Variants in FAT3 observed in about 807,000 individuals in gnomAD.
FAT3 encodes FAT atypical cadherin 3.
FAT3 carries 95 observed loss-of-function variants against 310.2 expected under a neutral mutation model. The ratio of observed to expected loss-of-function variants is 0.31; its 90% confidence interval spans 0.26 to 0.36. FAT3 has a LOEUF of 0.36. Among genes scored for constraint, FAT3 ranks in the 10% least tolerant of loss-of-function variants. FAT3 has a pLI of 1.00. For missense variants in FAT3, 5,408 were observed against 5,715.6 expected (o/e 0.95, Z 1.74); for synonymous variants, 2,314 against 2,192.9 (o/e 1.06, Z -1.54).
rs753361666 is a variant in FAT3 at position 92,834,881 on chromosome 11, G to T, written c.9883G>T (p.Val3295Phe). ...KINPKTGGISVSEVLDYELCK... is the reference protein window; with the variant it reads ...KINPKTGGISFSEVLDYELCK... Reference sequence around the variant, plus strand: ...ATTTTTCTTCAAAGGGGGTATTTCTGTCTCTGAAGTCCTGGACTATGAATT... The same window carrying T: ...ATTTTTCTTCAAAGGGGGTATTTCTTTCTCTGAAGTCCTGGACTATGAATT... Residue 3295 changes from valine to phenylalanine, a missense_variant, in exon 15 of 28, where the codon GTC (valine) becomes TTC (phenylalanine). Transcript: ENST00000525166. The T allele has an allele frequency of 4.4e-6, 7 of 1,608,112 alleles. No homozygotes were observed. Among genetic ancestry groups the T allele is most frequent in the Non-Finnish European group, 5.9e-6 (7 of 1,176,794 alleles).
chr11:92,556,071 A>G (rs529896578), intron 3 of FAT3, among the ~76,000 whole-genome samples: 1 of 152,342 alleles, frequency 6.6e-6, no homozygotes, highest in South Asian at 2.1e-4. Context: ...CACCTGGGAC[A>G]TAATAAGTGC....
At chr11:92,557,870 T>G (rs1016093825) in intron 3 of FAT3, among the ~76,000 whole-genome samples, 4 of 152,240 alleles carry the variant, frequency 2.6e-5, no homozygotes, top group African/African-American at 9.6e-5. Flanking sequence ...GCCAATCCTC[T>G]ATTCCTGAGG....
chr11:92,649,113 G>A (rs376851820), intron 3 of FAT3, among the ~76,000 whole-genome samples: 2 of 152,190 alleles, frequency 1.3e-5, no homozygotes, highest in African/African-American at 2.4e-5. Context: ...GTCGGGGCAC[G>A]TGAAGAAACA....
At chr11:92,461,829 TC>T (rs1195516161) in intron 2 of FAT3, among the ~76,000 whole-genome samples, 2 of 152,174 alleles carry the variant, frequency 1.3e-5, no homozygotes, top group Non-Finnish European at 2.9e-5. Context: ...CTGAGAAACT[TC>T]CTCTCACCCT....
chr11:92,792,840 A>G lies in FAT3; in HGVS notation c.4685A>G (p.His1562Arg). 1 of 1,613,894 alleles carries G rather than the reference A, an allele frequency of 6.2e-7. No individual in the cohort carries two copies. The highest frequency in any genetic ancestry group is 8.5e-7 in the Non-Finnish European group (1 of 1,179,788). Residue 1562 changes from histidine (H) to arginine (R), a missense_variant, in exon 9 of 28, where the codon CAC becomes CGC. His to Arg is a conservative substitution (Grantham distance 29). This residue lies in a region of FAT3 where 4,588 missense variants were observed against 4,809.8 expected (regional missense o/e 0.95). Coordinates refer to ENST00000525166, the MANE Select transcript of FAT3 (RefSeq NM_001367949.2). Reference sequence around the variant, plus strand: ...GTGAATGTGGAGGATGCTAATGATCACAGTCCTTATTTTACCAACCCACTG... The same window carrying G: ...GTGAATGTGGAGGATGCTAATGATCGCAGTCCTTATTTTACCAACCCACTG... ...VIVNVEDAND[H>R]SPYFTNPLYE...
chr11:92,566,548 A>C (rs1322845288), intron 3 of FAT3, among the ~76,000 whole-genome samples: 1 of 152,054 alleles, frequency 6.6e-6, no homozygotes, highest in African/African-American at 2.4e-5. Context: ...TTTAAAGTTC[A>C]TATGGAACCA....
At chr11:92,364,980 C>T (rs1012060617) in intron 2 of FAT3, among the ~76,000 whole-genome samples, 6 of 152,154 alleles carry the variant, frequency 3.9e-5, no homozygotes, top group African/African-American at 1.4e-4. Context: ...AAATAAAAGG[C>T]CAAGCACAGC....
chr11:92,877,807 A>G (rs773834970), intron 22 of FAT3, among the ~76,000 whole-genome samples: 1 of 152,218 alleles, frequency 6.6e-6, no homozygotes, highest in African/African-American at 2.4e-5. Flanking sequence ...AGCAGAACCA[A>G]TAGGAGATAT....
At chr11:92,393,292 G>A (rs1165313012) in intron 2 of FAT3, among the ~76,000 whole-genome samples, 3 of 151,324 alleles carry the variant, frequency 2.0e-5, no homozygotes, top group Admixed American at 2.0e-4. Flanking sequence ...CTGGGGACTG[G>A]GGAGAGGTTC....
chr11:92,667,134 G>C (rs1462876234), intron 3 of FAT3, among the ~76,000 whole-genome samples: 1 of 152,016 alleles, frequency 6.6e-6, no homozygotes, highest in Non-Finnish European at 1.5e-5. Context: ...TGATGCCTAA[G>C]GTTCTACTTG....
intron 13 of FAT3, among the ~76,000 whole-genome samples, chr11:92,816,840 G>A (rs1947837646): frequency 6.6e-6 from 1 of 152,072 alleles, no homozygotes; most frequent in Admixed American, 6.6e-5. Context: ...GCCAGGTGTG[G>A]TGACGTGCGC....
intron 2 of FAT3, among the ~76,000 whole-genome samples, chr11:92,474,887 C>G (rs1591338727): frequency 6.6e-6 from 1 of 152,160 alleles, no homozygotes; most frequent in East Asian, 1.9e-4. Context: ...GGCTATCTTT[C>G]TAATCTCTTT....
At chr11:92,682,633 T>C (rs1943512923) in intron 3 of FAT3, among the ~76,000 whole-genome samples, 1 of 152,224 alleles carries the variant, frequency 6.6e-6, no homozygotes, top group South Asian at 2.1e-4. Context: ...ATCAACCATC[T>C]TAGTTTCCTT....
intron 2 of FAT3, among the ~76,000 whole-genome samples, chr11:92,505,568 C>G (rs2135288303): frequency 6.6e-6 from 1 of 152,250 alleles, no homozygotes; most frequent in Admixed American, 6.5e-5. Flanking sequence ...AAGACTGTGC[C>G]AACCAGTGGG....
At chr11:92,775,361 CTT>C (rs1449884725) in intron 7 of FAT3, among the ~76,000 whole-genome samples, 1 of 152,186 alleles carries the variant, frequency 6.6e-6, no homozygotes, top group East Asian at 1.9e-4. Context: ...TAATGCAACT[CTT>C]TTCTTTGAAT....
chr11:92,442,071 AATATATATTTTATATATAT>A (rs1239419681), intron 2 of FAT3, among the ~76,000 whole-genome samples: 6 of 131,750 alleles, frequency 4.6e-5, no homozygotes, highest in African/African-American at 2.0e-4. Flanking sequence ...AAACTTAAGA[AATATATATTTTATATATAT>A]ATATATATAT....
intron 2 of FAT3, among the ~76,000 whole-genome samples, chr11:92,468,059 C>G (rs1033539077): frequency 6.6e-5 from 10 of 152,168 alleles, no homozygotes; most frequent in Admixed American, 2.6e-4. Context: ...ATGTCAGCGG[C>G]AAAACATATG....
At chr11:92,576,378 A>G (rs1012593892) in intron 3 of FAT3, among the ~76,000 whole-genome samples, 1 of 152,172 alleles carries the variant, frequency 6.6e-6, no homozygotes, top group African/African-American at 2.4e-5. Context: ...ACATTTTTAC[A>G]AACAGGTGGA....
chr11:92,535,273 A>C (rs1356854353), intron 3 of FAT3, among the ~76,000 whole-genome samples: 2 of 152,166 alleles, frequency 1.3e-5, no homozygotes, highest in African/African-American at 4.8e-5. Context: ...CCACAAGCCA[A>C]GGAATTCCAA....
Sources: gnomAD v4.1 joint callset for allele counts (sites outside exome capture counted in the v4.1 genomes callset) on GRCh38, gnomAD v4.1.1 for gene constraint, gnomAD v4.1.1 regional missense constraint, MANE v1.5 for transcripts, NCBI Gene and HGNC (gene_info 2026-07-23, HGNC 2026-07-21) for gene names.